DENND1A: variants seen among roughly 807,000 people sequenced by gnomAD.
The protein encoded by DENND1A is DENN domain containing 1A.
DENND1A carries 51 observed loss-of-function variants against 113.7 expected under a neutral mutation model. The observed-to-expected ratio is 0.45, with a 90% CI of 0.36 to 0.57. DENND1A has a LOEUF of 0.57. Ranked by LOEUF, DENND1A falls within the 20% of genes least tolerant of loss-of-function variation. The pLI, the probability that DENND1A is intolerant of heterozygous loss-of-function variation, is 0.00. For missense variants in DENND1A, 1,258 were observed against 1,395.9 expected, an observed-to-expected ratio of 0.90 and a Z score of 1.57; for synonymous variants, 565 against 570.8, an observed-to-expected ratio of 0.99 and a Z score of 0.14.
chr9:123,501,503 T>C (rs141027004), intron 13 of DENND1A, among the ~76,000 whole-genome samples: 2 of 152,362 alleles, frequency 1.3e-5, no homozygotes, highest in East Asian at 1.9e-4. Context: ...CAGGATCATA[T>C]GGCGACTGTA....
At chr9:123,844,409 T>C (rs913055370) in intron 2 of DENND1A, among the ~76,000 whole-genome samples, 5 of 152,170 alleles carry the variant, frequency 3.3e-5, no homozygotes, top group Non-Finnish European at 5.9e-5. Flanking sequence ...AAATCAATTC[T>C]ATTTCTATAC....
At chr9:123,690,388 T>A (rs906648161) in intron 5 of DENND1A, among the ~76,000 whole-genome samples, 2 of 152,190 alleles carry the variant, frequency 1.3e-5, no homozygotes, top group African/African-American at 4.8e-5. Context: ...AGTACTGTTA[T>A]TCATAATTGA....
chr9:123,693,693 A>G (rs765921743), intron 5 of DENND1A, among the ~76,000 whole-genome samples: 13 of 151,984 alleles, frequency 8.6e-5, no homozygotes, highest in Non-Finnish European at 1.6e-4. Flanking sequence ...CCCATGTATC[A>G]CAACCCCATG....
At chr9:123,483,649 G>A (rs2050541314) in intron 13 of DENND1A, among the ~76,000 whole-genome samples, 1 of 152,222 alleles carries the variant, frequency 6.6e-6, no homozygotes, top group Non-Finnish European at 1.5e-5. Context: ...GGGACAGTGT[G>A]TCCTGGGGTG....
Position 123,465,577 on chromosome 9 carries a change from T to C in DENND1A, c.994-7680A>G, listed in dbSNP as rs541788476. On this transcript the variant is annotated intron_variant, in intron 13 of 23. Coordinates refer to ENST00000394215, the MANE Select transcript of DENND1A (RefSeq NM_001352964.2). ...AAACAGATGATAAACAAATAGATTC[T>C]TTCACAATAGACTTTCAACAAATAA... 5.1e-4 allele frequency among the ~76,000 whole-genome samples: 78 copies of C among 152,320 alleles called. 1 individual carries two copies. The highest frequency in any genetic ancestry group is 7.8e-4 in the Non-Finnish European group (53 of 68,036).
chr9:123,397,160 T>C (rs574759065), intron 21 of DENND1A, among the ~76,000 whole-genome samples: 5 of 152,330 alleles, frequency 3.3e-5, no homozygotes, highest in African/African-American at 9.6e-5. Context: ...TAATTCCGTT[T>C]CCTTTTTCTT....
chr9:123,631,917 A>C (rs1001491507), intron 9 of DENND1A, among the ~76,000 whole-genome samples: 3 of 152,260 alleles, frequency 2.0e-5, no homozygotes, highest in African/African-American at 7.2e-5. Flanking sequence ...GTATGAAGTG[A>C]CAAAAGCCAA....
At chr9:123,709,189 C>A (rs1434199232) in intron 5 of DENND1A, among the ~76,000 whole-genome samples, 1 of 152,164 alleles carries the variant, frequency 6.6e-6, no homozygotes, top group African/African-American at 2.4e-5. Flanking sequence ...GCAGACAGAT[C>A]CCCTGCCAGT....
At chr9:123,685,985 C>A (rs975525613) in intron 5 of DENND1A, among the ~76,000 whole-genome samples, 6 of 147,256 alleles carry the variant, frequency 4.1e-5, no homozygotes, top group African/African-American at 1.5e-4. Context: ...AGGAAATACA[C>A]TGTCTCTACT....
intron 2 of DENND1A, among the ~76,000 whole-genome samples, chr9:123,841,000 T>G (rs1414984913): frequency 6.6e-6 from 1 of 152,204 alleles, no homozygotes; most frequent in Non-Finnish European, 1.5e-5. Flanking sequence ...ATAACAAATG[T>G]GGAAGCTATT....
chr9:123,486,795 TC>T (rs748382260), intron 13 of DENND1A, among the ~76,000 whole-genome samples: 3 of 152,054 alleles, frequency 2.0e-5, no homozygotes, highest in Non-Finnish European at 4.4e-5. Flanking sequence ...CCCTCCACCC[TC>T]CTATTGACCA....
intron 10 of DENND1A, among the ~76,000 whole-genome samples, chr9:123,623,912 A>G (rs931809303): frequency 6.6e-6 from 1 of 152,186 alleles, no homozygotes; most frequent in Non-Finnish European, 1.5e-5. Context: ...CGAAGACTTC[A>G]TCTTCAGGCG....
chr9:123,862,432 T>A (rs879554411), intron 2 of DENND1A, among the ~76,000 whole-genome samples: 2 of 152,132 alleles, frequency 1.3e-5, no homozygotes, highest in Non-Finnish European at 2.9e-5. Context: ...ACCTAAATCC[T>A]CCATCAGAAG....
At chr9:123,680,387 G>A (rs1028580107) in intron 5 of DENND1A, among the ~76,000 whole-genome samples, 7 of 152,302 alleles carry the variant, frequency 4.6e-5, no homozygotes, top group Middle Eastern at 3.4e-3. Flanking sequence ...GGGTCCCACC[G>A]GCCCTTGTAA....
Position 123,623,332 on chromosome 9 carries a change from C to T in DENND1A, c.719+7044G>A, listed in dbSNP as rs79059875. 4.8e-4 allele frequency among the ~76,000 whole-genome samples: 73 copies of T among 152,308 alleles called. No individual in the cohort carries two copies. In the East Asian group the frequency reaches 0.012, roughly 25 times the overall value. Reference sequence around the variant, plus strand: ...AGCAATCATCATTTACTAATGGCCCCTAGGTGCCACTTGACTAATAACTCT... The same window carrying T: ...AGCAATCATCATTTACTAATGGCCCTTAGGTGCCACTTGACTAATAACTCT... On this transcript the variant is annotated intron_variant, in intron 10 of 23. Transcript: ENST00000394215.
At chr9:123,440,014 G>A (rs774244365) in intron 19 of DENND1A, 2 of 158,794 alleles carry the variant, frequency 1.3e-5, no homozygotes, top group African/African-American at 2.4e-5. Flanking sequence ...ATTTGAAGGT[G>A]CAAAGAAGGG....
intron 13 of DENND1A, among the ~76,000 whole-genome samples, chr9:123,528,028 C>A (rs2054989557): frequency 6.6e-6 from 1 of 152,116 alleles, no homozygotes; most frequent in South Asian, 2.1e-4. Context: ...AGGCATCAGA[C>A]ATGTTTTAAA....
At chr9:123,824,772 T>C (rs906677408) in intron 2 of DENND1A, among the ~76,000 whole-genome samples, 2 of 152,176 alleles carry the variant, frequency 1.3e-5, no homozygotes, top group Non-Finnish European at 1.5e-5. Flanking sequence ...ATTAAATGAT[T>C]AGAAAATAAA....
chr9:123,759,954 C>T (rs2070896152), intron 4 of DENND1A, among the ~76,000 whole-genome samples: 2 of 152,090 alleles, frequency 1.3e-5, no homozygotes, highest in Non-Finnish European at 2.9e-5. Context: ...TTGTAAGTTA[C>T]AGTAATTATC....
Sources: allele counts gnomAD v4.1 joint callset (sites outside exome capture counted in the v4.1 genomes callset), GRCh38; gene constraint gnomAD v4.1.1; transcripts MANE v1.5; gene names NCBI Gene and HGNC (gene_info 2026-07-23, HGNC 2026-07-21).